ERBB4: variants seen among roughly 807,000 people sequenced by gnomAD.
ERBB4 encodes receptor tyrosine-protein kinase erbB-4.
In ERBB4, 42 loss-of-function variants were observed where a neutral mutation model predicts 158.0. The observed-to-expected ratio is 0.27, with a 90% CI of 0.21 to 0.34. The LOEUF (loss-of-function observed/expected upper bound fraction) is 0.34. Among genes scored for constraint, ERBB4 ranks in the 10% least tolerant of loss-of-function variants. The probability of loss-of-function intolerance (pLI) is 1.00; values close to 1 mark genes in which losing one functional copy is unlikely to be tolerated. For synonymous variants in ERBB4, 583 were observed against 558.7 expected, an observed-to-expected ratio of 1.04 and a Z score of -0.61; for missense variants, 1,333 against 1,624.1, an observed-to-expected ratio of 0.82 and a Z score of 3.08.
intron 1 of ERBB4, among the ~76,000 whole-genome samples, chr2:212,188,876 C>T (rs2082107550): frequency 6.6e-6 from 1 of 152,042 alleles, no homozygotes; most frequent in Non-Finnish European, 1.5e-5. Flanking sequence ...GACTCAAAGC[C>T]TGTCACTATT....
intron 1 of ERBB4, among the ~76,000 whole-genome samples, chr2:212,344,705 G>A (rs1267618591): frequency 2.0e-5 from 3 of 152,078 alleles, no homozygotes; most frequent in Non-Finnish European, 4.4e-5. Context: ...ATATAACAAT[G>A]CAGTTAAAAT....
At chr2:212,263,522 T>G (rs2085019833) in intron 1 of ERBB4, among the ~76,000 whole-genome samples, 1 of 152,120 alleles carries the variant, frequency 6.6e-6, no homozygotes, top group Non-Finnish European at 1.5e-5. Context: ...GCAGCCCCTG[T>G]AGAGCAAATA....
intron 1 of ERBB4, among the ~76,000 whole-genome samples, chr2:212,232,973 G>A (rs1450842806): frequency 6.6e-6 from 1 of 152,094 alleles, no homozygotes; most frequent in East Asian, 1.9e-4. Flanking sequence ...ATTCTAGACA[G>A]AATTGGAAGA....
chr2:211,890,390 G>C (rs1376772422), intron 3 of ERBB4, among the ~76,000 whole-genome samples: 1 of 146,894 alleles, frequency 6.8e-6, no homozygotes, highest in Non-Finnish European at 1.5e-5. Context: ...TGCCCTAAAA[G>C]AGCTCCTGAA....
chr2:212,124,563 A>T, intron 2 of ERBB4, 189 bp downstream of exon 2: 1 of 620,770 alleles, frequency 1.6e-6, no homozygotes. Context: ...CAGGAGCGTC[A>T]GTCATTATGG....
chr2:211,668,854 A>G (rs1377853557), intron 14 of ERBB4, among the ~76,000 whole-genome samples: 5 of 152,124 alleles, frequency 3.3e-5, no homozygotes, highest in Non-Finnish European at 7.4e-5. Context: ...AGTGCCATAA[A>G]TTAAAAGCAT....
chr2:212,263,715 A>C (rs1187093021), intron 1 of ERBB4, among the ~76,000 whole-genome samples: 1 of 152,032 alleles, frequency 6.6e-6, no homozygotes, highest in Non-Finnish European at 1.5e-5. Context: ...TATTGGTCCC[A>C]TAATAAAAGA....
At chr2:212,057,482 T>C (rs973982825) in intron 2 of ERBB4, among the ~76,000 whole-genome samples, 5 of 152,156 alleles carry the variant, frequency 3.3e-5, no homozygotes, top group African/African-American at 9.7e-5. Context: ...TATACATACT[T>C]CTCAGCACCA....
chr2:212,288,830 A>G (rs1052806923), intron 1 of ERBB4, among the ~76,000 whole-genome samples: 3 of 152,116 alleles, frequency 2.0e-5, no homozygotes, highest in African/African-American at 4.8e-5. Flanking sequence ...GTTTCCCACC[A>G]AGACTACCTG....
chr2:211,441,280 C>T (rs142180865), intron 20 of ERBB4, among the ~76,000 whole-genome samples: 1 of 152,186 alleles, frequency 6.6e-6, no homozygotes, highest in East Asian at 1.9e-4. Flanking sequence ...CCTAATATTA[C>T]CATAGAAGTA....
At chr2:211,682,998 GATTTT>G (rs1254577096) in intron 12 of ERBB4, among the ~76,000 whole-genome samples, 2 of 150,264 alleles carry the variant, frequency 1.3e-5, no homozygotes, top group Admixed American at 6.6e-5. Context: ...TTATTAAAAT[GATTTT>G]ATTTTATTTC....
intron 2 of ERBB4, among the ~76,000 whole-genome samples, chr2:212,090,722 C>G (rs2078749114): frequency 6.6e-6 from 1 of 152,174 alleles, no homozygotes; most frequent in South Asian, 2.1e-4. Context: ...CTGTCCACTT[C>G]AGATGCTATT....
chr2:212,275,441 C>G (rs1350433225), intron 1 of ERBB4, among the ~76,000 whole-genome samples: 1 of 151,870 alleles, frequency 6.6e-6, no homozygotes, highest in Non-Finnish European at 1.5e-5. Context: ...CCTGTTGTTT[C>G]CTGACTTTTT....
intron 3 of ERBB4, among the ~76,000 whole-genome samples, chr2:211,802,581 T>A (rs911160712): frequency 6.6e-6 from 1 of 152,256 alleles, no homozygotes; most frequent in African/African-American, 2.4e-5. Flanking sequence ...GAATGATGAT[T>A]TATTAATAAA....
intron 2 of ERBB4, among the ~76,000 whole-genome samples, chr2:212,075,568 CA>C (rs778883801): frequency 5.3e-5 from 8 of 151,618 alleles, no homozygotes; most frequent in Non-Finnish European, 5.9e-5. Flanking sequence ...GAGAAATTAT[CA>C]AAGAAATCTT....
intron 1 of ERBB4, among the ~76,000 whole-genome samples, chr2:212,249,468 T>C (rs928958413): frequency 1.3e-5 from 2 of 151,416 alleles, no homozygotes; most frequent in African/African-American, 4.8e-5. Flanking sequence ...TACAATTAGC[T>C]AGAGGGAAAA....
chr2:212,345,951 TA>T (rs1272978949), intron 1 of ERBB4, among the ~76,000 whole-genome samples: 1 of 152,202 alleles, frequency 6.6e-6, no homozygotes, highest in Non-Finnish European at 1.5e-5. Flanking sequence ...ATACAATGTA[TA>T]TTTTATATTA....
At position 211,903,071 on chromosome 2, in the gene ERBB4, C is replaced by T. The variant is rs143647646; in HGVS notation, c.421+44359G>A. 3.4e-3 allele frequency among the ~76,000 whole-genome samples: 515 copies of T among 151,658 alleles called. 3 individuals are homozygous for T. Among genetic ancestry groups the T allele is most frequent in the African/African-American group, 0.012 (491 of 41,390 alleles). ...AGCTCTTCTATTGCATTTTATTCTC[C>T]CCTCTTTCAGCTGATTTAAGTAACT... On this transcript the variant is annotated intron_variant, in intron 3 of 27. Coordinates refer to ENST00000342788, the MANE Select transcript of ERBB4 (RefSeq NM_005235.3).
At chr2:211,599,511 T>TTGTGTGTGTGTG (rs201810389) in intron 19 of ERBB4, among the ~76,000 whole-genome samples, 961 of 20,840 alleles carry the variant, frequency 0.046, 13 homozygotes, top group African/African-American at 0.058. Context: ...AAATAATTTC[T>TTGTGTGTGTGTG]TCTGTGTGTG....
Sources: gnomAD v4.1 joint callset for allele counts (sites outside exome capture counted in the v4.1 genomes callset) on GRCh38, gnomAD v4.1.1 for gene constraint, MANE v1.5 for transcripts, NCBI Gene and HGNC (gene_info 2026-07-23, HGNC 2026-07-21) for gene names.